Variants in RABL6 observed in about 807,000 individuals in gnomAD.
RABL6 encodes the protein RAB, member RAS oncogene family like 6.
RABL6 carries 28 observed loss-of-function variants against 72.9 expected under a neutral mutation model. The observed-to-expected ratio is 0.38, with a 90% CI of 0.28 to 0.53. The LOEUF is 0.53. Ranked by LOEUF, RABL6 falls within the 20% of genes least tolerant of loss-of-function variation. The probability of loss-of-function intolerance (pLI) is 0.80; values close to 1 mark genes in which losing one functional copy is unlikely to be tolerated. For synonymous variants in RABL6, 477 were observed against 421.2 expected, an observed-to-expected ratio of 1.13 and a Z score of -1.62; for missense variants, 1,029 against 1,008.4, an observed-to-expected ratio of 1.02 and a Z score of -0.28.
chr9:136,839,170 A>T, intron 11 of RABL6, 49 bp downstream of exon 11: 1 of 1,602,016 alleles, frequency 6.2e-7, no homozygotes, highest in Admixed American at 1.7e-5. Context: ...CGGGTGGGGC[A>T]GTTCAGGACG....
rs554113306 is a variant in RABL6 at position 136,837,853 on chromosome 9, T to C, written c.1127-9T>C. The stretch of plus-strand genomic sequence containing the variant: ...CCGAGTGAAGAGGACCCGGCATCAC[T>C]GTTCACAGAGCCAGTCCCGGCCGCA... On this transcript the variant is annotated splice_polypyrimidine_tract_variant and intron_variant, in intron 9 of 14. Transcript: ENST00000311502. 9.7e-6 allele frequency: 15 copies of C among 1,548,406 alleles called. No homozygotes were observed. The South Asian group carries it at 1.3e-4, about 14-fold the overall frequency.
At chr9:136,833,845 T>A in intron 7 of RABL6, 1 of 1,550,538 alleles carries the variant, frequency 6.4e-7, no homozygotes, top group Non-Finnish European at 8.7e-7. Context: ...GCAGTCAGAC[T>A]TGTCCTGTGC....
At chr9:136,810,983 C>T (rs1044518126) in intron 1 of RABL6, among the ~76,000 whole-genome samples, 4 of 152,252 alleles carry the variant, frequency 2.6e-5, no homozygotes, top group Non-Finnish European at 5.9e-5. Flanking sequence ...CTGGGCCCTG[C>T]ATTTGCTCGG....
chr9:136,821,835 G>A (rs1389166978), intron 1 of RABL6: 10 of 1,198,824 alleles, frequency 8.3e-6, no homozygotes, highest in Non-Finnish European at 1.1e-5. Flanking sequence ...CCTTCCGCGG[G>A]GTGGGCTCGG....
In RABL6 at chr9:136,839,492, A is replaced by G; in HGVS notation, c.1758+6A>G. ...CAGACACACAGCGCAGGGCGGTAAG[A>G]CGAGTCCTCCCGGGGCAGAGGTCAG... On this transcript the variant is annotated splice_donor_region_variant and intron_variant, in intron 12 of 14. Coordinates refer to ENST00000311502, the MANE Select transcript of RABL6 (RefSeq NM_024718.5). 6.2e-7 allele frequency: 1 copy of G among 1,605,710 alleles called. No individual in the cohort carries two copies. Among genetic ancestry groups the G allele is most frequent in the South Asian group, 1.1e-5 (1 of 90,634 alleles).
Position 136,839,232 on chromosome 9 carries a change from C to A in RABL6, c.1504C>A (p.Pro502Thr). Residue 502 changes from proline (P) to threonine (T), a missense_variant, in exon 12 of 15, where the codon CCA (proline) becomes ACA (threonine). Transcript: ENST00000311502. ...SEPETKWSSIPASKPRRGTAP... is the reference protein window; with the variant it reads ...SEPETKWSSITASKPRRGTAP... ...TGCTTGTCCACAAAGGTCCTCCATACCAGCTTCGAAGCCACGGAGGGGGAC... is the reference window on the plus strand; with the variant it reads ...TGCTTGTCCACAAAGGTCCTCCATAACAGCTTCGAAGCCACGGAGGGGGAC... 1.3e-6 allele frequency: 2 copies of A among 1,599,392 alleles called. No individual in the cohort carries two copies. The highest frequency in any genetic ancestry group is 1.7e-6 in the Non-Finnish European group (2 of 1,173,110).
At chr9:136,833,856 C>A (rs376102803) in intron 7 of RABL6, 3 of 1,550,526 alleles carry the variant, frequency 1.9e-6, no homozygotes, top group South Asian at 2.4e-5. Context: ...TGTCCTGTGC[C>A]GGCACTGCTG....
intron 1 of RABL6, chr9:136,822,199 G>C: frequency 1.1e-6 from 1 of 875,672 alleles, no homozygotes; most frequent in Non-Finnish European, 1.5e-6. Context: ...AAACCTGGGG[G>C]GGGCGTTGCG....
chr9:136,840,840 G>C lies in RABL6; in HGVS notation c.*318G>C. Reference sequence around the variant, plus strand: ...TGAGGCCCAGGAGGGACCTGTGAGGGTCTGTTTACAGAGGCTGGGCAGGGG... The same window carrying C: ...TGAGGCCCAGGAGGGACCTGTGAGGCTCTGTTTACAGAGGCTGGGCAGGGG... On this transcript the variant is annotated 3_prime_UTR_variant, in exon 15 of 15. Coordinates refer to ENST00000311502, the MANE Select transcript of RABL6 (RefSeq NM_024718.5). 6.5e-7 allele frequency: 1 copy of C among 1,545,786 alleles called. No homozygotes were observed. The highest frequency in any genetic ancestry group is 2.4e-5 in the East Asian group (1 of 40,850).
chr9:136,827,431 C>G (rs1311950312), intron 3 of RABL6: 1 of 152,256 alleles, frequency 6.6e-6, no homozygotes, highest in East Asian at 1.9e-4. Flanking sequence ...CAATCCTCAC[C>G]TCCGCCTGGT....
intron 1 of RABL6, chr9:136,810,002 T>C (rs1308158490): frequency 6.6e-6 from 1 of 152,268 alleles, no homozygotes; most frequent in African/African-American, 2.4e-5. Context: ...GAAAATAAAG[T>C]GGTGCATTTT....
chr9:136,838,029 C>T lies in RABL6; in HGVS notation c.1280+14C>T. 1.3e-6 allele frequency: 2 copies of T among 1,552,994 alleles called. No homozygotes were observed. The highest frequency in any genetic ancestry group is 1.7e-6 in the Non-Finnish European group (2 of 1,148,418). On this transcript the variant is annotated intron_variant, in intron 10 of 14. Coordinates refer to ENST00000311502, the MANE Select transcript of RABL6 (RefSeq NM_024718.5). ...GGACAGCGACAGGTGAGGGGTGGGC[C>T]TGGGCCTCCTCTCCCATTGCCCCCC...
chr9:136,838,968 T>A lies in RABL6; in HGVS notation c.1340T>A (p.Leu447His), dbSNP rs1410263031. 6.2e-7 allele frequency: 1 copy of A among 1,611,074 alleles called. No homozygotes were observed. The highest frequency in any genetic ancestry group is 8.5e-7 in the Non-Finnish European group (1 of 1,179,302). Residue 447 changes from leucine (L) to histidine (H), a missense_variant, in exon 11 of 15, where the codon CTC (leucine) becomes CAC (histidine). By Grantham distance (99) the Leu-to-His change is moderately conservative. Coordinates refer to ENST00000311502, the MANE Select transcript of RABL6 (RefSeq NM_024718.5). The part of the protein sequence containing the change: ...MVAGFQDDVD[L>H]EDQPRGSPPL... Reference sequence around the variant, plus strand: ...GCAGGGTTCCAGGACGATGTGGACCTCGAAGACCAGCCACGTGGGAGTCCC... The same window carrying A: ...GCAGGGTTCCAGGACGATGTGGACCACGAAGACCAGCCACGTGGGAGTCCC...
At position 136,808,330 on chromosome 9, in the gene RABL6, A is replaced by G; in HGVS notation, c.130+4A>G. 2 of 1,515,874 alleles carry G rather than the reference A, an allele frequency of 1.3e-6. No individual in the cohort carries two copies. The highest frequency in any genetic ancestry group is 1.3e-5 in the South Asian group (1 of 79,420). The allele number at this position is 1,515,874 out of a possible 1,614,324, so 93.9% of individuals were successfully genotyped here. ...GCCAAGGGGGTGCAGTACAACAGTGAGTGCGGCGGGCCGGGGGGGCGCGGG... is the reference window on the plus strand; with the variant it reads ...GCCAAGGGGGTGCAGTACAACAGTGGGTGCGGCGGGCCGGGGGGGCGCGGG... On this transcript the variant is annotated splice_donor_region_variant and intron_variant, in intron 1 of 14. Coordinates refer to ENST00000311502, the MANE Select transcript of RABL6 (RefSeq NM_024718.5).
chr9:136,833,775 A>T (rs1380292837), intron 7 of RABL6: 1 of 1,550,228 alleles, frequency 6.5e-7, no homozygotes, highest in African/African-American at 1.4e-5. Context: ...GTGTCAGAAG[A>T]AGTGAGGATG....
rs141694711 is a variant in RABL6 at position 136,826,068 on chromosome 9, C to T, written c.313+242C>T. Among the ~76,000 whole-genome samples the T allele has an allele frequency of 8.5e-5, 13 of 152,324 alleles. 1 individual carries two copies. The East Asian group carries it at 2.3e-3, about 27-fold the overall frequency. The stretch of plus-strand genomic sequence containing the variant: ...CCCCGTCTCTGAGTGACCGCGTGCA[C>T]GGTGGCGGCAGGTGCAGCCGGGGGG... On this transcript the variant is annotated intron_variant, in intron 3 of 14. Transcript: ENST00000311502. This position sits in a 1 kb window ranked among gnomAD's most constrained non-coding sequence, Gnocchi z 4.9.
chr9:136,822,138 C>G (rs1347691926), intron 1 of RABL6: 8 of 1,233,164 alleles, frequency 6.5e-6, no homozygotes, highest in African/African-American at 1.6e-5. Flanking sequence ...TCCCTCAGAG[C>G]TTCGAGGCCG....
intron 7 of RABL6, chr9:136,833,529 G>A (rs1175324085): frequency 1.2e-4 from 84 of 729,818 alleles, no homozygotes; most frequent in Non-Finnish European, 1.6e-4. Flanking sequence ...GGGCTGCCCC[G>A]ACTGGGTCTG....
At position 136,823,529 on chromosome 9, in the gene RABL6, G is replaced by A. The variant is rs74416852; in HGVS notation, c.135G>A (p.Lys45=). The change falls in exon 2 of 15, where the codon AAG becomes AAA. Residue 45 remains lysine (K), a synonymous_variant. Transcript: ENST00000311502. ...TTTTTCTCTTCCCGTCCCCAGTGAA[G>A]ATAGTGATCCGGGGAGACAGGAACA... ...RFAKGVQYNM[K]IVIRGDRNTG... 0.013 allele frequency: 20,198 copies of A among 1,613,656 alleles called. 973 individuals are homozygous for A. In the African/African-American group the frequency reaches 0.14, roughly 11 times the overall value.
Sources: gnomAD v4.1 joint callset for allele counts (sites outside exome capture counted in the v4.1 genomes callset) on GRCh38, gnomAD v4.1.1 for gene constraint, Gnocchi (gnomAD v3.1) non-coding constraint, MANE v1.5 for transcripts, NCBI Gene and HGNC (gene_info 2026-07-23, HGNC 2026-07-21) for gene names.